SDAD1: variants seen among roughly 807,000 people sequenced by gnomAD.
The protein encoded by SDAD1 is SDA1 domain containing 1, also known as protein SDA1 homolog.
A neutral mutation model predicts 100.3 loss-of-function variants in SDAD1; 79 were observed. The ratio of observed to expected loss-of-function variants is 0.79; its 90% CI spans 0.66 to 0.95. The LOEUF (loss-of-function observed/expected upper bound fraction) is 0.95. Ranked by LOEUF, SDAD1 falls within the 40% of genes least tolerant of loss-of-function variation. SDAD1 has a pLI of 0.00. For synonymous variants in SDAD1, 267 were observed against 271.4 expected, an observed-to-expected ratio of 0.98 and a Z score of 0.16; for missense variants, 790 against 810.9, an observed-to-expected ratio of 0.97 and a Z score of 0.31.
At chr4:75,972,271 C>A (rs148708026) in intron 8 of SDAD1, among the ~76,000 whole-genome samples, 1 of 152,096 alleles carries the variant, frequency 6.6e-6, no homozygotes, top group Non-Finnish European at 1.5e-5. Context: ...TGTTGACAAC[C>A]CGCTTGGGTC....
chr4:75,973,312 C>G lies in SDAD1; in HGVS notation c.711+5G>C, dbSNP rs776242518. On this transcript the variant is annotated splice_donor_5th_base_variant and intron_variant, in intron 8 of 21. Coordinates refer to ENST00000356260, the MANE Select transcript of SDAD1 (RefSeq NM_018115.4). ...AGATTCAGAAGCAGCTATGATTAAA[C>G]TAACCTCAGATTCGGAGTCACTGTC... 4.3e-6 allele frequency: 7 copies of G among 1,610,316 alleles called. No homozygotes were observed. The East Asian group carries it at 8.9e-5, about 21-fold the overall frequency.
chr4:75,975,900 C>T, intron 5 of SDAD1, 24 bp downstream of exon 5: 1 of 1,602,014 alleles, frequency 6.2e-7, no homozygotes, highest in Middle Eastern at 1.7e-4. Flanking sequence ...ATGCTGCAAA[C>T]ATGGAAGACA....
intron 11 of SDAD1, among the ~76,000 whole-genome samples, chr4:75,967,905 G>T (rs149078181): frequency 6.6e-6 from 1 of 152,074 alleles, no homozygotes; most frequent in African/African-American, 2.4e-5. Context: ...CCTAAACAAA[G>T]GTGACCAGGG....
intron 13 of SDAD1, among the ~76,000 whole-genome samples, chr4:75,964,762 T>A (rs868484720): frequency 6.6e-6 from 1 of 152,176 alleles, no homozygotes; most frequent in African/African-American, 2.4e-5. Context: ...TTCCCAAAAT[T>A]AATAATTTCT....
chr4:75,972,594 C>T (rs1214669591), intron 8 of SDAD1, among the ~76,000 whole-genome samples: 4 of 149,916 alleles, frequency 2.7e-5, no homozygotes, highest in South Asian at 2.1e-4. Context: ...GTTTAAAAGA[C>T]GTTATCACAT....
At chr4:75,971,494 G>C in intron 8 of SDAD1, 36 bp from the exon 9 acceptor site, 1 of 1,446,560 alleles carries the variant, frequency 6.9e-7, no homozygotes, top group Non-Finnish European at 9.7e-7. Flanking sequence ...TTGTAAACAA[G>C]GAAAATCTGC....
intron 17 of SDAD1, 96 bp downstream of exon 17, chr4:75,959,970 T>C (rs1729136399): frequency 1.5e-6 from 2 of 1,296,494 alleles, no homozygotes; most frequent in African/African-American, 1.5e-5. Context: ...TCAATAAATA[T>C]CTGCTGAATG....
chr4:75,976,288 C>G (rs987236879), intron 4 of SDAD1, among the ~76,000 whole-genome samples: 2 of 152,164 alleles, frequency 1.3e-5, no homozygotes. Flanking sequence ...CAGCCTTATT[C>G]ATAGTGGCCA....
intron 14 of SDAD1, among the ~76,000 whole-genome samples, chr4:75,962,095 G>C (rs1197650939): frequency 6.6e-6 from 1 of 152,138 alleles, no homozygotes; most frequent in Non-Finnish European, 1.5e-5. Flanking sequence ...TCCCCATCCT[G>C]TGTCCAAGTG....
chr4:75,975,599 G>A, intron 6 of SDAD1, 145 bp downstream of exon 6: 2 of 558,848 alleles, frequency 3.6e-6, no homozygotes, highest in Non-Finnish European at 6.3e-6. Context: ...CATTTGAATT[G>A]CCTCTATTTT....
intron 8 of SDAD1, among the ~76,000 whole-genome samples, chr4:75,972,628 A>AG (rs1729929630): frequency 6.9e-6 from 1 of 145,880 alleles, no homozygotes; most frequent in African/African-American, 2.5e-5. Context: ...GGTTACCAAA[A>AG]CACTAAAATG....
chr4:75,970,418 G>C, intron 9 of SDAD1, 40 bp from the exon 10 acceptor site: 2 of 1,465,642 alleles, frequency 1.4e-6, no homozygotes, highest in Non-Finnish European at 1.9e-6. Context: ...CTGAGTTACA[G>C]TGATGATGCT....
At chr4:75,967,811 T>TG (rs1197459187) in intron 11 of SDAD1, among the ~76,000 whole-genome samples, 3 of 151,996 alleles carry the variant, frequency 2.0e-5, no homozygotes, top group African/African-American at 7.2e-5. Flanking sequence ...TCCAACCACG[T>TG]GGAAGGAGTT....
intron 21 of SDAD1, among the ~76,000 whole-genome samples, chr4:75,954,412 C>G (rs995969003): frequency 6.6e-6 from 1 of 151,646 alleles, no homozygotes; most frequent in African/African-American, 2.4e-5. Context: ...AGTACCCACA[C>G]CTATAATCCT....
intron 8 of SDAD1, 94 bp from the exon 9 acceptor site, chr4:75,971,552 C>A: frequency 1.2e-6 from 1 of 863,150 alleles, no homozygotes; most frequent in Admixed American, 2.1e-5. Flanking sequence ...TTCTTATACT[C>A]TTTGCACACA....
chr4:75,976,443 T>C (rs192683455), intron 4 of SDAD1, among the ~76,000 whole-genome samples: 6 of 152,348 alleles, frequency 3.9e-5, no homozygotes, highest in South Asian at 2.1e-4. Context: ...GGAAACATTA[T>C]GCTAAGTGAA....
Position 75,977,658 on chromosome 4 carries a change from T to A in SDAD1, c.393A>T (p.Lys131Asn), listed in dbSNP as rs544586193. 2 of 1,606,364 alleles carry A rather than the reference T, an allele frequency of 1.2e-6. No individual in the cohort carries two copies. The highest frequency in any genetic ancestry group is 3.3e-5 in the Admixed American group (2 of 59,940). The stretch of plus-strand genomic sequence containing the variant: ...TTTTGCCCTTTACCTTTCGCAGAAG[T>A]TTATCATGGCAACGAAAAAGTTCAA... ...LFFELFRCHD[K>N]LLRKTLYTHI... Residue 131 changes from lysine to asparagine, a missense_variant, in exon 4 of 22, where the codon AAA becomes AAT. By Grantham distance (94) the Lys-to-Asn change is moderately conservative. Coordinates refer to ENST00000356260, the MANE Select transcript of SDAD1 (RefSeq NM_018115.4).
At chr4:75,955,512 A>G (rs913602370) in intron 21 of SDAD1, among the ~76,000 whole-genome samples, 2 of 152,224 alleles carry the variant, frequency 1.3e-5, no homozygotes, top group African/African-American at 4.8e-5. Context: ...ATGAGGCTGC[A>G]GTGAGTTGTG....
intron 17 of SDAD1, among the ~76,000 whole-genome samples, chr4:75,959,131 T>TAA (rs1430459370): frequency 1.5e-5 from 1 of 65,076 alleles, no homozygotes; most frequent in African/African-American, 6.2e-5. Context: ...AAAAAAAACC[T>TAA]AAAAAAAAAC....
Sources: gnomAD v4.1 joint callset for allele counts (sites outside exome capture counted in the v4.1 genomes callset) on GRCh38, gnomAD v4.1.1 for gene constraint, MANE v1.5 for transcripts, NCBI Gene and HGNC (gene_info 2026-07-23, HGNC 2026-07-21) for gene names.